Variants in GPC5 observed in about 807,000 individuals in gnomAD.
GPC5 encodes the protein glypican-5.
In GPC5, 47 loss-of-function variants were observed where a neutral mutation model predicts 53.9. That is an observed-to-expected ratio of 0.87 (90% CI 0.69 to 1.11). GPC5 has a LOEUF of 1.11. GPC5 is among the 50% of genes most tolerant of loss of function. GPC5 has a pLI of 0.00. For missense variants in GPC5, 748 were observed against 713.1 expected (o/e 1.05, Z -0.56); for synonymous variants, 286 against 263.3 (o/e 1.09, Z -0.84).
chr13:91,438,772 G>T, intron 1 of GPC5, among the ~76,000 whole-genome samples: 1 of 152,234 alleles, frequency 6.6e-6, no homozygotes, highest in East Asian at 1.9e-4. Flanking sequence ...AATCTACAGA[G>T]GCAGGCAGGG....
At chr13:91,749,500 T>C (rs1340253656) in intron 4 of GPC5, among the ~76,000 whole-genome samples, 1 of 152,228 alleles carries the variant, frequency 6.6e-6, no homozygotes, top group Non-Finnish European at 1.5e-5. Flanking sequence ...ACTACAGGTA[T>C]CTTTTGATAT....
At chr13:92,854,087 T>C (rs1400435346) in intron 7 of GPC5, among the ~76,000 whole-genome samples, 1 of 151,824 alleles carries the variant, frequency 6.6e-6, no homozygotes, top group Non-Finnish European at 1.5e-5. Flanking sequence ...CATTTGCTAA[T>C]AGTTAATATT....
At chr13:91,875,252 A>G (rs543706340) in intron 5 of GPC5, among the ~76,000 whole-genome samples, 54 of 152,264 alleles carry the variant, frequency 3.5e-4, no homozygotes, top group African/African-American at 1.1e-3. Flanking sequence ...GATTCTGATG[A>G]GGCTTGACAA....
At chr13:91,968,419 A>T (rs568152000) in intron 6 of GPC5, among the ~76,000 whole-genome samples, 1 of 152,230 alleles carries the variant, frequency 6.6e-6, no homozygotes, top group East Asian at 1.9e-4. Context: ...TTTAATATTA[A>T]TATATGTTTC....
chr13:91,420,088 T>C (rs949854887), intron 1 of GPC5, among the ~76,000 whole-genome samples: 21 of 152,178 alleles, frequency 1.4e-4, no homozygotes, highest in Non-Finnish European at 2.8e-4. Context: ...GCATTTCCTG[T>C]GTCTCATGAT....
At chr13:91,475,202 T>G (rs981089449) in intron 2 of GPC5, among the ~76,000 whole-genome samples, 32 of 152,170 alleles carry the variant, frequency 2.1e-4, no homozygotes, top group African/African-American at 7.7e-4. Context: ...TCTGAATACT[T>G]TTTGAATTAA....
intron 7 of GPC5, among the ~76,000 whole-genome samples, chr13:92,361,409 G>T (rs1037603386): frequency 4.6e-5 from 7 of 151,678 alleles, no homozygotes; most frequent in South Asian, 2.1e-4. Context: ...AAGTTAAAAA[G>T]GTAGTTAAAT....
rs1050807619 is a variant in GPC5 at position 91,966,230 on chromosome 13, C to T, written c.1401+58173C>T. Among the ~76,000 whole-genome samples the T allele has an allele frequency of 7.2e-5, 11 of 152,164 alleles. 1 individual carries two copies. The highest frequency in any genetic ancestry group is 3.9e-4 in the Admixed American group (6 of 15,274). Reference sequence around the variant, plus strand: ...AATTCACTAAATTATTAATACAGAACAACTTACTTTAACATTTCCCTTTAG... The same window carrying T: ...AATTCACTAAATTATTAATACAGAATAACTTACTTTAACATTTCCCTTTAG... On this transcript the variant is annotated intron_variant, in intron 6 of 7. Transcript: ENST00000377067.
chr13:92,142,284 G>C lies in GPC5; in HGVS notation c.1402-2546G>C, dbSNP rs2041837574. Among the ~76,000 whole-genome samples, 3 of 152,112 alleles carry C rather than the reference G, an allele frequency of 2.0e-5. No individual in the cohort carries two copies. The South Asian group carries it at 6.2e-4, about 32-fold the overall frequency. ...TAAATTCAAAATCAACTGATTAATG[G>C]CATCAGTTACATTGCAAAATTCCTT... is the stretch of plus-strand genomic sequence containing the variant. On this transcript the variant is annotated intron_variant, in intron 6 of 7. Transcript: ENST00000377067.
intron 7 of GPC5, chr13:92,240,320 A>C (rs2042602322): frequency 6.6e-6 from 1 of 152,058 alleles, no homozygotes; most frequent in Non-Finnish European, 1.5e-5. Context: ...TATTCCAATA[A>C]TATATTAAGC....
chr13:92,444,313 G>A (rs1877703412), intron 7 of GPC5, among the ~76,000 whole-genome samples: 1 of 152,142 alleles, frequency 6.6e-6, no homozygotes, highest in Admixed American at 6.5e-5. Flanking sequence ...GAGTCAGTTT[G>A]ATGTGAGAAG....
chr13:92,863,587 G>T (rs536449749), intron 7 of GPC5, among the ~76,000 whole-genome samples: 67 of 152,228 alleles, frequency 4.4e-4, no homozygotes, highest in Non-Finnish European at 7.6e-4. Flanking sequence ...TCCACCTCCC[G>T]AGTTCAAGTG....
chr13:92,304,371 A>AT (rs1363858431), intron 7 of GPC5, among the ~76,000 whole-genome samples: 1 of 151,446 alleles, frequency 6.6e-6, no homozygotes, highest in African/African-American at 2.4e-5. Context: ...CGCCCGGCTA[A>AT]TTTTTTGTAT....
At chr13:91,901,227 A>T (rs1355192271) in intron 5 of GPC5, among the ~76,000 whole-genome samples, 1 of 152,066 alleles carries the variant, frequency 6.6e-6, no homozygotes, top group Non-Finnish European at 1.5e-5. Flanking sequence ...GTTTAAAAAC[A>T]TAGGTGTCAA....
intron 3 of GPC5, among the ~76,000 whole-genome samples, chr13:91,695,485 C>T (rs964211861): frequency 2.0e-5 from 3 of 152,120 alleles, no homozygotes; most frequent in Non-Finnish European, 4.4e-5. Flanking sequence ...GCCATTCTCC[C>T]GCCTCAGCCT....
chr13:91,693,410 G>T lies in GPC5; in HGVS notation c.549G>T (p.Val183=), dbSNP rs145369297. The change falls in exon 3 of 8, where the codon GTG becomes GTT. Residue 183 remains valine, a synonymous_variant. Transcript: ENST00000377067. ...ACAACCACCTCATTAACCCTGGTGT[G>T]ACTGACAGTTCCCTGGAATACTCAG... ...LVYNHLINPG[V]TDSSLEYSEC... The T allele has an allele frequency of 6.2e-7, 1 of 1,614,080 alleles. No homozygotes were observed. Among genetic ancestry groups the T allele is most frequent in the Non-Finnish European group, 8.5e-7 (1 of 1,179,980 alleles).
intron 2 of GPC5, among the ~76,000 whole-genome samples, chr13:91,532,740 C>T (rs999996091): frequency 6.6e-6 from 1 of 151,970 alleles, no homozygotes; most frequent in East Asian, 1.9e-4. Flanking sequence ...GTGGTGCGCA[C>T]CTGTGGTTCC....
At chr13:91,414,306 A>G (rs1878025426) in intron 1 of GPC5, among the ~76,000 whole-genome samples, 1 of 152,328 alleles carries the variant, frequency 6.6e-6, no homozygotes, top group Non-Finnish European at 1.5e-5. Context: ...CTGTCCTGCC[A>G]CCTTGTGAAG....
At chr13:92,113,171 C>T (rs1360691811) in intron 6 of GPC5, among the ~76,000 whole-genome samples, 2 of 151,894 alleles carry the variant, frequency 1.3e-5, no homozygotes, top group East Asian at 3.9e-4. Flanking sequence ...GTGATAGATA[C>T]ATGAAAGAAA....
Sources: gnomAD v4.1 joint callset for allele counts (sites outside exome capture counted in the v4.1 genomes callset) on GRCh38, gnomAD v4.1.1 for gene constraint, MANE v1.5 for transcripts, NCBI Gene and HGNC (gene_info 2026-07-23, HGNC 2026-07-21) for gene names.